CCNL1: variants seen among roughly 807,000 people sequenced by gnomAD.
CCNL1 encodes the protein cyclin-L1.
Under a neutral mutation model 60.6 loss-of-function variants are expected in CCNL1, and 13 were observed. The ratio of observed to expected loss-of-function variants is 0.21; its 90% CI spans 0.14 to 0.34. CCNL1 has a LOEUF of 0.34. CCNL1 is among the 10% of genes least tolerant of loss of function. The pLI, the probability that CCNL1 is intolerant of heterozygous loss-of-function variation, is 1.00. For missense variants in CCNL1, 481 were observed against 664.3 expected (o/e 0.72, Z 3.03); for synonymous variants, 270 against 244.3 (o/e 1.10, Z -0.98).
intron 5 of CCNL1, chr3:157,150,702 G>T: frequency 1.9e-6 from 2 of 1,041,098 alleles, no homozygotes; most frequent in Non-Finnish European, 2.3e-6. Flanking sequence ...ATTCTGACAC[G>T]ATTAGTTTCA....
At chr3:157,153,884 C>T (rs1738393180) in intron 3 of CCNL1, 1 of 152,044 alleles carries the variant, frequency 6.6e-6, no homozygotes, top group Admixed American at 6.5e-5. Flanking sequence ...AGCTCAATTA[C>T]CCAAGTAAAT....
intron 3 of CCNL1, among the ~76,000 whole-genome samples, chr3:157,155,462 C>G (rs1353023226): frequency 6.6e-6 from 1 of 152,002 alleles, no homozygotes; most frequent in East Asian, 1.9e-4. Context: ...TTAAGAAAAC[C>G]AAACCCATTA....
In CCNL1 at chr3:157,149,996, G is replaced by C; in HGVS notation, c.880-19C>G. ...AGTTTGGCTGTTGGAGGAAAAAAAA[G>C]TTAGTATTTCTTCCTTAGAGTAGCT... is the stretch of plus-strand genomic sequence containing the variant. On this transcript the variant is annotated intron_variant, in intron 7 of 10. Transcript: ENST00000295926. The C allele has an allele frequency of 6.8e-7, 1 of 1,467,652 alleles. No homozygotes were observed. The allele number at this position is 1,467,652 out of a possible 1,614,324, so 90.9% of individuals were successfully genotyped here. A position where few individuals can be genotyped will look rare whatever the true frequency, so the allele number is the denominator to read the frequency against.
chr3:157,156,854 T>C (rs546125611), intron 3 of CCNL1: 1 of 1,131,184 alleles, frequency 8.8e-7, no homozygotes, highest in South Asian at 1.4e-5. Flanking sequence ...TACAAAGCTA[T>C]AGTTCTAATA....
chr3:157,148,069 A>T lies in CCNL1; in HGVS notation c.*172T>A. The T allele has an allele frequency of 7.2e-7, 1 of 1,385,070 alleles. No homozygotes were observed. Among genetic ancestry groups the T allele is most frequent in the Non-Finnish European group, 9.3e-7 (1 of 1,073,896 alleles). 85.8% of individuals were successfully genotyped at this position (1,385,070 alleles called of 1,614,324 possible). On this transcript the variant is annotated 3_prime_UTR_variant, in exon 11 of 11. Coordinates refer to ENST00000295926, the MANE Select transcript of CCNL1 (RefSeq NM_020307.4). ...CTGCTAGGGCATTTTAATGTGCAAA[A>T]AAATTAACATAGTTCTTTTCAAAAG...
intron 3 of CCNL1, chr3:157,154,186 C>T (rs1028995743): frequency 2.0e-5 from 3 of 152,280 alleles, no homozygotes; most frequent in African/African-American, 7.2e-5. Context: ...TAATAAAAGA[C>T]AATCTTATTT....
chr3:157,153,295 T>TA, intron 3 of CCNL1, 139 bp from the exon 4 acceptor site: 1 of 746,224 alleles, frequency 1.3e-6, no homozygotes, highest in Non-Finnish European at 2.1e-6. Context: ...GTTAAAGCAT[T>TA]AATCTTGTGC....
intron 3 of CCNL1, chr3:157,154,266 T>C (rs1360853086): frequency 6.6e-6 from 1 of 152,206 alleles, no homozygotes; most frequent in Admixed American, 6.5e-5. Flanking sequence ...AATTGGGCTT[T>C]TGTTTTTTGT....
chr3:157,152,513 G>T, intron 4 of CCNL1: 1 of 1,127,684 alleles, frequency 8.9e-7, no homozygotes, highest in South Asian at 2.7e-5. Flanking sequence ...GATGGGCACC[G>T]TGCTAGATTA....
At position 157,149,467 on chromosome 3, in the gene CCNL1, C is replaced by T; in HGVS notation, c.1133+18G>A. 1 of 1,611,446 alleles carries T rather than the reference C, an allele frequency of 6.2e-7. No homozygotes were observed. Among genetic ancestry groups the T allele is most frequent in the East Asian group, 2.2e-5 (1 of 44,848 alleles). ...TAAAAGATTCCTCAAGCCAGTTTTC[C>T]AGCCCAAGTATACTCACCCATTGTA... On this transcript the variant is annotated intron_variant, in intron 9 of 10. Transcript: ENST00000295926.
downstream of CCNL1, among the ~76,000 whole-genome samples, chr3:157,146,786 T>C (rs1464573887): frequency 2.0e-5 from 3 of 152,174 alleles, no homozygotes; most frequent in Admixed American, 1.3e-4. Flanking sequence ...CAATGTGTAT[T>C]ACAAATCAGG....
intron 3 of CCNL1, 118 bp downstream of exon 3, chr3:157,158,748 T>A: frequency 1.6e-6 from 1 of 630,896 alleles, no homozygotes; most frequent in East Asian, 2.8e-5. Flanking sequence ...AACACCTAAA[T>A]TAAAGTCCGT....
At chr3:157,155,300 C>T (rs183029547) in intron 3 of CCNL1, among the ~76,000 whole-genome samples, 1 of 152,218 alleles carries the variant, frequency 6.6e-6, no homozygotes, top group Admixed American at 6.5e-5. Context: ...TTAAGAACTG[C>T]CTTCAAATGG....
At chr3:157,152,871 A>C in intron 4 of CCNL1, 165 bp downstream of exon 4, 1 of 1,379,072 alleles carries the variant, frequency 7.3e-7, no homozygotes, top group Non-Finnish European at 9.3e-7. Context: ...TTTACTGATA[A>C]ATCTCAACAT....
At chr3:157,159,375 A>T in intron 2 of CCNL1, 30 bp downstream of exon 2, 1 of 1,608,278 alleles carries the variant, frequency 6.2e-7, no homozygotes, top group Non-Finnish European at 8.5e-7. Flanking sequence ...GGATGAAGAA[A>T]TCCCTTTTAC....
At chr3:157,151,128 T>C in intron 5 of CCNL1, 1 of 984,944 alleles carries the variant, frequency 1.0e-6, no homozygotes. Flanking sequence ...CCATGAGAAC[T>C]GCTATAATCC....
intron 3 of CCNL1, among the ~76,000 whole-genome samples, chr3:157,155,707 T>C (rs1337762999): frequency 6.6e-6 from 1 of 152,154 alleles, no homozygotes; most frequent in Non-Finnish European, 1.5e-5. Flanking sequence ...GTAAACAAAG[T>C]CTCAAAGTAT....
downstream of CCNL1, among the ~76,000 whole-genome samples, chr3:157,146,950 TCTC>T (rs1237277251): frequency 6.6e-6 from 1 of 152,208 alleles, no homozygotes; most frequent in East Asian, 1.9e-4. Context: ...TGAATCTTAA[TCTC>T]CTTCAAAGTA....
At chr3:157,144,229 C>G (rs925466412), downstream of CCNL1, among the ~76,000 whole-genome samples, 1 of 152,200 alleles carries the variant, frequency 6.6e-6, no homozygotes, top group Non-Finnish European at 1.5e-5. Flanking sequence ...CTATAAGGTA[C>G]ATACATTATT....
Sources: allele counts gnomAD v4.1 joint callset (sites outside exome capture counted in the v4.1 genomes callset), GRCh38; gene constraint gnomAD v4.1.1; transcripts MANE v1.5; gene names NCBI Gene and HGNC (gene_info 2026-07-23, HGNC 2026-07-21).